The following CNTNAP2 variants were observed in gnomAD, a reference collection of about 807,000 sequenced individuals.
CNTNAP2 encodes the protein contactin-associated protein-like 2.
CNTNAP2 carries 98 observed loss-of-function variants against 155.2 expected under a neutral mutation model. The observed-to-expected ratio is 0.63, with a 90% CI of 0.54 to 0.75. The LOEUF (loss-of-function observed/expected upper bound fraction) is 0.75. CNTNAP2 is among the 30% of genes least tolerant of loss of function. The probability of loss-of-function intolerance (pLI) is 0.00; values close to 1 mark genes in which losing one functional copy is unlikely to be tolerated. For missense variants in CNTNAP2, 1,727 were observed against 1,688.1 expected, an observed-to-expected ratio of 1.02 and a Z score of -0.40; for synonymous variants, 651 against 631.2, an observed-to-expected ratio of 1.03 and a Z score of -0.47.
intron 13 of CNTNAP2, among the ~76,000 whole-genome samples, chr7:147,712,807 C>T (rs113729945): frequency 0.051 from 7,781 of 152,148 alleles, 266 homozygotes; most frequent in South Asian, 0.13. Flanking sequence ...GACCAGTTAA[C>T]GGGTGCAGCA....
chr7:147,370,647 A>C (rs967101225), intron 9 of CNTNAP2, among the ~76,000 whole-genome samples: 1 of 152,150 alleles, frequency 6.6e-6, no homozygotes, highest in Admixed American at 6.6e-5. Flanking sequence ...GTAAGACAAT[A>C]TGCCTAATAG....
At chr7:147,489,806 G>T (rs1292839304) in intron 11 of CNTNAP2, among the ~76,000 whole-genome samples, 1 of 152,088 alleles carries the variant, frequency 6.6e-6, no homozygotes, top group Non-Finnish European at 1.5e-5. Flanking sequence ...CAGTATAAAT[G>T]GGGATTCACT....
chr7:146,399,930 A>G (rs1049400570), intron 1 of CNTNAP2, among the ~76,000 whole-genome samples: 31 of 152,294 alleles, frequency 2.0e-4, no homozygotes, highest in African/African-American at 6.7e-4. Flanking sequence ...CACAATTATT[A>G]TACTAATTCT....
At chr7:147,573,228 G>C (rs1271375349) in intron 12 of CNTNAP2, among the ~76,000 whole-genome samples, 3 of 152,080 alleles carry the variant, frequency 2.0e-5, no homozygotes, top group Non-Finnish European at 4.4e-5. Flanking sequence ...ATATCCCTGT[G>C]GATGAAGTTG....
At chr7:148,288,031 C>T (rs1268874842) in intron 21 of CNTNAP2, among the ~76,000 whole-genome samples, 1 of 151,380 alleles carries the variant, frequency 6.6e-6, no homozygotes, top group Admixed American at 6.6e-5. Flanking sequence ...ACTTCGTGAT[C>T]GGCCCGCCTT....
intron 11 of CNTNAP2, among the ~76,000 whole-genome samples, chr7:147,544,906 G>A (rs1033625764): frequency 3.9e-5 from 6 of 152,022 alleles, no homozygotes; most frequent in Non-Finnish European, 8.8e-5. Context: ...CCCCATGATT[G>A]TGAGCCTCCC....
intron 2 of CNTNAP2, among the ~76,000 whole-genome samples, chr7:146,806,647 C>T (rs1802972751): frequency 6.6e-6 from 1 of 152,164 alleles, no homozygotes; most frequent in East Asian, 1.9e-4. Flanking sequence ...TCTCTGGGAG[C>T]AGGATCCAGT....
chr7:147,070,928 C>G (rs1799878371), intron 4 of CNTNAP2, among the ~76,000 whole-genome samples: 1 of 152,028 alleles, frequency 6.6e-6, no homozygotes, highest in African/African-American at 2.4e-5. Context: ...AGGAAATTTA[C>G]CACTGGCAGT....
intron 1 of CNTNAP2, among the ~76,000 whole-genome samples, chr7:146,659,942 A>T (rs896843511): frequency 6.6e-5 from 10 of 152,186 alleles, no homozygotes; most frequent in Admixed American, 5.9e-4. Flanking sequence ...TTTACAAGTG[A>T]GGGCCAGGAG....
intron 9 of CNTNAP2, among the ~76,000 whole-genome samples, chr7:147,332,691 G>C (rs139353954): frequency 2.6e-5 from 4 of 152,026 alleles, no homozygotes; most frequent in Non-Finnish European, 4.4e-5. Context: ...GTGAAACCCC[G>C]TCTCTACTAA....
At chr7:147,409,470 C>A (rs1390902792) in intron 10 of CNTNAP2, among the ~76,000 whole-genome samples, 1 of 152,094 alleles carries the variant, frequency 6.6e-6, no homozygotes, top group Non-Finnish European at 1.5e-5. Context: ...ATATGCAGTA[C>A]CATTCAGGAC....
intron 8 of CNTNAP2, among the ~76,000 whole-genome samples, chr7:147,282,942 C>A (rs908899983): frequency 6.6e-6 from 1 of 151,778 alleles, no homozygotes; most frequent in African/African-American, 2.4e-5. Flanking sequence ...AAAGTGATAT[C>A]AACTTGAAAA....
At chr7:146,641,475 G>A (rs1799706949) in intron 1 of CNTNAP2, among the ~76,000 whole-genome samples, 1 of 152,180 alleles carries the variant, frequency 6.6e-6, no homozygotes, top group East Asian at 1.9e-4. Flanking sequence ...TTTATAAGAA[G>A]TAGCTGGACA....
rs575502764 is a variant in CNTNAP2 at position 147,620,671 on chromosome 7, G to A, written c.1898-18435G>A. 6.1e-4 allele frequency among the ~76,000 whole-genome samples: 93 copies of A among 151,930 alleles called. 1 individual carries two copies. The highest frequency in any genetic ancestry group is 2.3e-3 in the Admixed American group (35 of 15,224). On this transcript the variant is annotated intron_variant, in intron 12 of 23. Transcript: ENST00000361727. ...GAAGAATTAGTAAGCTTGAAGACAGGTTATTTGAAAATGCACAGTCAGTGA... is the reference window on the plus strand; with the variant it reads ...GAAGAATTAGTAAGCTTGAAGACAGATTATTTGAAAATGCACAGTCAGTGA...
intron 13 of CNTNAP2, among the ~76,000 whole-genome samples, chr7:147,873,597 G>A (rs1356010449): frequency 6.6e-6 from 1 of 152,148 alleles, no homozygotes; most frequent in Non-Finnish European, 1.5e-5. Flanking sequence ...TGGGGATTAT[G>A]GGAGCTACAA....
chr7:148,126,397 C>T (rs1045837713), intron 16 of CNTNAP2, among the ~76,000 whole-genome samples: 2 of 152,126 alleles, frequency 1.3e-5, no homozygotes, highest in African/African-American at 4.8e-5. Flanking sequence ...CCCAGAAAAT[C>T]TAGGTGGAGA....
intron 1 of CNTNAP2, among the ~76,000 whole-genome samples, chr7:146,442,491 A>G (rs1796334572): frequency 6.6e-6 from 1 of 151,872 alleles, no homozygotes. Flanking sequence ...TGTGTGAAAC[A>G]CCTTCCTCCA....
At chr7:146,985,379 G>A (rs1467485165) in intron 3 of CNTNAP2, among the ~76,000 whole-genome samples, 1 of 145,926 alleles carries the variant, frequency 6.9e-6, no homozygotes, top group Non-Finnish European at 1.5e-5. Context: ...GTGCAGTGGT[G>A]CAGTCTCGGC....
intron 8 of CNTNAP2, among the ~76,000 whole-genome samples, chr7:147,190,737 A>G (rs925468575): frequency 6.6e-6 from 1 of 152,230 alleles, no homozygotes; most frequent in African/African-American, 2.4e-5. Flanking sequence ...AGTTTGCAGC[A>G]TTCAGTTGGC....
Sources: gnomAD v4.1 joint callset for allele counts (sites outside exome capture counted in the v4.1 genomes callset) on GRCh38, gnomAD v4.1.1 for gene constraint, MANE v1.5 for transcripts, NCBI Gene and HGNC (gene_info 2026-07-23, HGNC 2026-07-21) for gene names.